Variants in GRK7 observed in about 807,000 individuals in gnomAD.
GRK7 encodes the protein rhodopsin kinase GRK7.
Under a neutral mutation model 34.1 loss-of-function variants are expected in GRK7, and 24 were observed. The ratio of observed to expected loss-of-function variants is 0.70; its 90% CI spans 0.51 to 0.99. GRK7 has a LOEUF of 0.99. GRK7 is among the 50% of genes least tolerant of loss of function. The pLI, the probability that GRK7 is intolerant of heterozygous loss-of-function variation, is 0.00. For missense variants in GRK7, 644 were observed against 707.3 expected (o/e 0.91, Z 1.02); for synonymous variants, 256 against 279.4 (o/e 0.92, Z 0.84).
chr3:141,769,746 C>T (rs754936510), intron 1 of GRK7, among the ~76,000 whole-genome samples: 1 of 152,176 alleles, frequency 6.6e-6, no homozygotes, highest in Non-Finnish European at 1.5e-5. Context: ...CCATCTCACT[C>T]GGCCTCGTGT....
chr3:141,784,149 A>G (rs185620125), intron 4 of GRK7, among the ~76,000 whole-genome samples: 47 of 152,228 alleles, frequency 3.1e-4, no homozygotes, highest in South Asian at 2.5e-3. Context: ...GGCTCTGTTC[A>G]TGGGCCATGG....
At chr3:141,773,635 C>T (rs561909555) in intron 1 of GRK7, among the ~76,000 whole-genome samples, 12 of 152,222 alleles carry the variant, frequency 7.9e-5, no homozygotes, top group Non-Finnish European at 1.5e-4. Flanking sequence ...AGGATGGTCT[C>T]GATCTCCTGA....
chr3:141,815,799 A>G lies in GRK7; in HGVS notation c.1326-915A>G, dbSNP rs118108334. On this transcript the variant is annotated intron_variant, in intron 5 of 5. Coordinates refer to ENST00000682958, the MANE Select transcript of GRK7 (RefSeq NM_139209.3). ...AGCCCTGTGGAGGCTCATGTGATAC[A>G]GGATGGAGGCTTGACAATAACCACA... 1.5e-4 allele frequency among the ~76,000 whole-genome samples: 23 copies of G among 151,938 alleles called. No individual in the cohort carries two copies. The East Asian group carries it at 4.3e-3, about 28-fold the overall frequency.
intron 4 of GRK7, among the ~76,000 whole-genome samples, chr3:141,805,492 G>A (rs994272366): frequency 2.6e-5 from 4 of 152,174 alleles, no homozygotes; most frequent in African/African-American, 7.2e-5. Flanking sequence ...TGGACAAGAC[G>A]CCAGGGCAAC....
intron 5 of GRK7, among the ~76,000 whole-genome samples, chr3:141,811,041 G>A (rs1041121291): frequency 1.3e-5 from 2 of 152,066 alleles, no homozygotes; most frequent in African/African-American, 4.8e-5. Context: ...TTGGCCGGGC[G>A]CGGTGTCTCA....
intron 4 of GRK7, among the ~76,000 whole-genome samples, chr3:141,785,958 T>C (rs940463647): frequency 6.6e-6 from 1 of 151,576 alleles, no homozygotes; most frequent in African/African-American, 2.4e-5. Context: ...AAAAAAAATC[T>C]TTTGGCCTTT....
chr3:141,788,359 C>T (rs889697795), intron 4 of GRK7, among the ~76,000 whole-genome samples: 2 of 152,112 alleles, frequency 1.3e-5, no homozygotes, highest in African/African-American at 4.8e-5. Flanking sequence ...GGGAACCCAC[C>T]AAGAGCTACT....
intron 4 of GRK7, among the ~76,000 whole-genome samples, chr3:141,804,081 C>T (rs1443655140): frequency 6.6e-6 from 1 of 152,212 alleles, no homozygotes; most frequent in South Asian, 2.1e-4. Context: ...TTTGCTTTAT[C>T]AAATGTCCAT....
At chr3:141,752,016 G>A in the GRK7 span, among the ~76,000 whole-genome samples, 16 of 152,148 alleles carry the variant, frequency 1.1e-4, no homozygotes, top group Admixed American at 9.2e-4. Context: ...TTGAACATGT[G>A]CCTTACTTTA....
At chr3:141,787,589 C>T (rs2084702932) in intron 4 of GRK7, among the ~76,000 whole-genome samples, 1 of 146,366 alleles carries the variant, frequency 6.8e-6, no homozygotes, top group African/African-American at 2.6e-5. Flanking sequence ...TGCGCCACTG[C>T]ACTCCAGCCT....
intron 5 of GRK7, among the ~76,000 whole-genome samples, chr3:141,814,734 G>A (rs994620933): frequency 5.3e-5 from 8 of 152,068 alleles, no homozygotes; most frequent in African/African-American, 1.9e-4. Context: ...CTTTGGGTAT[G>A]TACAAGTAAT....
At chr3:141,813,409 G>T (rs1417560224) in intron 5 of GRK7, among the ~76,000 whole-genome samples, 1 of 152,216 alleles carries the variant, frequency 6.6e-6, no homozygotes, top group African/African-American at 2.4e-5. Flanking sequence ...TTACAGGTGT[G>T]AGCCATGGTG....
intron 4 of GRK7, among the ~76,000 whole-genome samples, chr3:141,789,656 C>CAAGAAAA (rs2084713774): frequency 8.4e-6 from 1 of 119,232 alleles, no homozygotes; most frequent in African/African-American, 3.5e-5. Context: ...GCCAAATGGG[C>CAAGAAAA]AAAAAAAAAA....
At chr3:141,802,112 T>C (rs1384156899) in intron 4 of GRK7, among the ~76,000 whole-genome samples, 2 of 152,104 alleles carry the variant, frequency 1.3e-5, no homozygotes, top group Non-Finnish European at 2.9e-5. Context: ...CTCATGCCTG[T>C]AATCCCAGCA....
chr3:141,771,149 A>G (rs1481712719), intron 1 of GRK7, among the ~76,000 whole-genome samples: 1 of 152,184 alleles, frequency 6.6e-6, no homozygotes, highest in Non-Finnish European at 1.5e-5. Context: ...AATAGCAAAG[A>G]TATGGAATCA....
rs1711184830 is a variant in GRK7 at position 141,819,271 on chromosome 3, A to G, written c.*2221A>G. 6.6e-6 allele frequency among the ~76,000 whole-genome samples: 1 copy of G among 152,248 alleles called. No homozygotes were observed. The highest frequency in any genetic ancestry group is 6.5e-5 in the Admixed American group (1 of 15,288). On this transcript the variant is annotated 3_prime_UTR_variant, in exon 6 of 6. Coordinates refer to ENST00000682958, the MANE Select transcript of GRK7 (RefSeq NM_139209.3). ...GGCAGAGGGACAAATGCAAACTAAT[A>G]ATTAAAGATAAATATCTCAGTTTTT... is the stretch of plus-strand genomic sequence containing the variant.
chr3:141,776,270 G>C (rs1344035367), intron 2 of GRK7, among the ~76,000 whole-genome samples: 2 of 148,728 alleles, frequency 1.3e-5, no homozygotes, highest in Non-Finnish European at 3.0e-5. Context: ...CTGGGTGATA[G>C]AGCGAGACTC....
At chr3:141,774,981 C>T (rs989560068) in intron 2 of GRK7, among the ~76,000 whole-genome samples, 31 of 152,030 alleles carry the variant, frequency 2.0e-4, no homozygotes, top group African/African-American at 7.0e-4. Flanking sequence ...TTAGCAGAGA[C>T]GGGGTTTCGC....
chr3:141,754,297 CCTCT>C, the GRK7 span, among the ~76,000 whole-genome samples: 1,135 of 152,156 alleles, frequency 7.5e-3, 9 homozygotes, highest in African/African-American at 0.026. Flanking sequence ...ATTCTCCTGC[CCTCT>C]CTCTCATGTT....
Sources: gnomAD v4.1 joint callset for allele counts (sites outside exome capture counted in the v4.1 genomes callset) on GRCh38, gnomAD v4.1.1 for gene constraint, MANE v1.5 for transcripts, NCBI Gene and HGNC (gene_info 2026-07-23, HGNC 2026-07-21) for gene names.